Variants in STK38L observed in about 807,000 individuals in gnomAD.
The protein encoded by STK38L is serine/threonine-protein kinase 38-like.
In STK38L, 28 loss-of-function variants were observed where a neutral mutation model predicts 59.7. The ratio of observed to expected loss-of-function variants is 0.47; its 90% CI spans 0.35 to 0.64. The LOEUF (loss-of-function observed/expected upper bound fraction) is 0.64, where lower values mean the gene tolerates loss of function less well. Ranked by LOEUF, STK38L falls within the 30% of genes least tolerant of loss-of-function variation. The pLI is 0.01. For synonymous variants in STK38L, 162 were observed against 176.8 expected, an observed-to-expected ratio of 0.92 and a Z score of 0.66; for missense variants, 314 against 555.8, an observed-to-expected ratio of 0.56 and a Z score of 4.37.
chr12:27,272,572 A>C (rs1943446896), intron 1 of STK38L, among the ~76,000 whole-genome samples: 2 of 152,174 alleles, frequency 1.3e-5, no homozygotes, highest in Admixed American at 1.3e-4. Flanking sequence ...TCTTGGAGGG[A>C]AGTCCAGACT....
chr12:27,244,643 C>T (rs2136595152), intron 1 of STK38L, among the ~76,000 whole-genome samples: 1 of 152,302 alleles, frequency 6.6e-6, no homozygotes, highest in East Asian at 1.9e-4. Context: ...GCCTGGGCTT[C>T]ACAAACAATA....
intron 3 of STK38L, among the ~76,000 whole-genome samples, chr12:27,307,508 A>C (rs2136644578): frequency 6.6e-6 from 1 of 152,342 alleles, no homozygotes; most frequent in East Asian, 1.9e-4. Flanking sequence ...GAACCACTAA[A>C]AGCTTGGCAG....
rs1478852445 is a variant in STK38L, at chr12:27,251,139, C to CT, written c.-12+6813dup. Among the ~76,000 whole-genome samples the CT allele has an allele frequency of 2.6e-5, 4 of 151,956 alleles. No individual in the cohort carries two copies. In the East Asian group the frequency reaches 7.7e-4, roughly 29 times the overall value. On this transcript the variant is annotated intron_variant, in intron 1 of 13. Transcript: ENST00000389032. ...TCCCACCCCAAGTTTTCTTTCTTCT[C>CT]TTTTTTCCCTTCCTTTTTTGGTAAT...
At position 27,269,864 on chromosome 12, in the gene STK38L, A is replaced by G. The variant is rs1430445052; in HGVS notation, c.-12+25532A>G. On this transcript the variant is annotated intron_variant, in intron 1 of 13. Transcript: ENST00000389032. ...CGCCATGTTGGCCAGGCTGGTCTCG[A>G]AATCCTGACCTCAGGTTATCCGCCC... Among the ~76,000 whole-genome samples the G allele has an allele frequency of 9.2e-5, 14 of 152,286 alleles. No individual in the cohort carries two copies. The East Asian group carries it at 2.5e-3, about 27-fold the overall frequency.
At chr12:27,288,326 C>G (rs1178985910) in intron 1 of STK38L, among the ~76,000 whole-genome samples, 1 of 152,030 alleles carries the variant, frequency 6.6e-6, no homozygotes, top group Non-Finnish European at 1.5e-5. Flanking sequence ...TTAAATTTCC[C>G]TATTTAAAAA....
chr12:27,299,400 T>C (rs1344988725), intron 2 of STK38L, among the ~76,000 whole-genome samples: 1 of 151,998 alleles, frequency 6.6e-6, no homozygotes, highest in Non-Finnish European at 1.5e-5. Context: ...AGGAAAGGAA[T>C]GAAAATAGAG....
intron 9 of STK38L, 64 bp from the exon 10 acceptor site, chr12:27,317,272 C>A: frequency 8.4e-7 from 1 of 1,183,638 alleles, no homozygotes; most frequent in Non-Finnish European, 1.2e-6. Context: ...CAGTAGTAAG[C>A]CATCCTCAGA....
intron 2 of STK38L, 31 bp downstream of exon 2, chr12:27,297,885 AG>A (rs1271476713): frequency 6.2e-7 from 1 of 1,611,092 alleles, no homozygotes; most frequent in African/African-American, 1.3e-5. Context: ...AACTTTTTTT[AG>A]TTAAATAAGC....
intron 1 of STK38L, among the ~76,000 whole-genome samples, chr12:27,263,079 C>T (rs1448108987): frequency 6.6e-6 from 1 of 152,190 alleles, no homozygotes; most frequent in Non-Finnish European, 1.5e-5. Flanking sequence ...GCGTAAGTCA[C>T]TGTGCCCAGC....
chr12:27,317,240 C>A, intron 9 of STK38L, 96 bp from the exon 10 acceptor site: 1 of 767,092 alleles, frequency 1.3e-6, no homozygotes, highest in Non-Finnish European at 2.1e-6. Context: ...GAAAATTTAA[C>A]TCCTCTATAT....
intron 1 of STK38L, among the ~76,000 whole-genome samples, chr12:27,279,154 G>T (rs1484790309): frequency 6.6e-6 from 1 of 152,090 alleles, no homozygotes; most frequent in East Asian, 1.9e-4. Flanking sequence ...ATTGTAAGTT[G>T]GGGAATGTCT....
intron 1 of STK38L, among the ~76,000 whole-genome samples, chr12:27,247,763 T>A (rs1171749156): frequency 1.6e-4 from 24 of 151,680 alleles, no homozygotes; most frequent in Admixed American, 1.6e-3. Context: ...TCTTGCCTCC[T>A]AAGTTGCAGG....
At chr12:27,247,877 C>CA (rs1344129056) in intron 1 of STK38L, among the ~76,000 whole-genome samples, 1 of 148,050 alleles carries the variant, frequency 6.8e-6, no homozygotes, top group Non-Finnish European at 1.5e-5. Flanking sequence ...TGCAGTAGTG[C>CA]AATCATGGCT....
chr12:27,251,073 A>C (rs1435759398), intron 1 of STK38L, among the ~76,000 whole-genome samples: 2 of 151,686 alleles, frequency 1.3e-5, no homozygotes, highest in Non-Finnish European at 2.9e-5. Context: ...TTTTACTACA[A>C]AAACTTCTCC....
chr12:27,315,731 G>C (rs1272183574), intron 9 of STK38L, among the ~76,000 whole-genome samples: 3 of 152,186 alleles, frequency 2.0e-5, no homozygotes, highest in Non-Finnish European at 4.4e-5. Context: ...AAGTAAGGTG[G>C]TTGTGAGTTT....
chr12:27,256,248 A>T (rs1283972028), intron 1 of STK38L, among the ~76,000 whole-genome samples: 3 of 152,030 alleles, frequency 2.0e-5, no homozygotes, highest in African/African-American at 7.2e-5. Context: ...TCATTATGTA[A>T]CTTTCATCCT....
chr12:27,283,865 C>T (rs1943712352), intron 1 of STK38L, among the ~76,000 whole-genome samples: 1 of 152,186 alleles, frequency 6.6e-6, no homozygotes, highest in Non-Finnish European at 1.5e-5. Context: ...CCCATGACCT[C>T]ATACACTGTA....
intron 11 of STK38L, among the ~76,000 whole-genome samples, chr12:27,318,542 C>T (rs913584961): frequency 1.3e-5 from 2 of 152,088 alleles, no homozygotes; most frequent in African/African-American, 4.8e-5. Context: ...CTAGGGATTT[C>T]GCTTATGCAG....
chr12:27,277,454 G>T (rs1041205264), intron 1 of STK38L, among the ~76,000 whole-genome samples: 9 of 151,724 alleles, frequency 5.9e-5, no homozygotes, highest in African/African-American at 1.9e-4. Context: ...ACCTCAAAGG[G>T]TTAAATAGTC....
Sources: gnomAD v4.1 joint callset for allele counts (sites outside exome capture counted in the v4.1 genomes callset) on GRCh38, gnomAD v4.1.1 for gene constraint, MANE v1.5 for transcripts, NCBI Gene and HGNC (gene_info 2026-07-23, HGNC 2026-07-21) for gene names.